UBR1: variants seen among roughly 807,000 people sequenced by gnomAD.
UBR1 encodes E3 ubiquitin-protein ligase UBR1.
UBR1 carries 102 observed loss-of-function variants against 242.1 expected under a neutral mutation model. The ratio of observed to expected loss-of-function variants is 0.42; its 90% CI spans 0.36 to 0.50. UBR1 has a LOEUF of 0.50. Among genes scored for constraint, UBR1 ranks in the 20% least tolerant of loss-of-function variants. The pLI, the probability that UBR1 is intolerant of heterozygous loss-of-function variation, is 0.01. For synonymous variants in UBR1, 675 were observed against 684.8 expected (o/e 0.99, Z 0.22); for missense variants, 1,772 against 2,101.8 (o/e 0.84, Z 3.07).
chr15:42,973,495 A>C (rs1315506845), intron 39 of UBR1, among the ~76,000 whole-genome samples: 7 of 152,010 alleles, frequency 4.6e-5, no homozygotes, highest in African/African-American at 1.2e-4. Context: ...GGTTTTCCTC[A>C]TGTTGGTCAG....
At chr15:42,981,742 A>T (rs2032382486) in intron 37 of UBR1, among the ~76,000 whole-genome samples, 1 of 152,124 alleles carries the variant, frequency 6.6e-6, no homozygotes, top group Non-Finnish European at 1.5e-5. Flanking sequence ...CGCCGCACCC[A>T]GCCACTTGTC....
chr15:43,096,341 T>C (rs1373559460), intron 1 of UBR1, among the ~76,000 whole-genome samples: 2 of 152,148 alleles, frequency 1.3e-5, no homozygotes, highest in African/African-American at 4.8e-5. Context: ...TTTGTATTTT[T>C]GGTAGAGATG....
chr15:43,083,480 A>G (rs1423380863), intron 2 of UBR1, among the ~76,000 whole-genome samples: 1 of 152,028 alleles, frequency 6.6e-6, no homozygotes, highest in Non-Finnish European at 1.5e-5. Context: ...TCCCAGGTTC[A>G]AGTGATTCTC....
At chr15:43,085,088 T>C (rs957914149) in intron 2 of UBR1, among the ~76,000 whole-genome samples, 1 of 152,248 alleles carries the variant, frequency 6.6e-6, no homozygotes, top group East Asian at 1.9e-4. Context: ...CAACTGTTTC[T>C]ACAGGTTCAA....
In UBR1 at chr15:42,950,166, A is replaced by G; in HGVS notation, c.5108+96T>C. The G allele has an allele frequency of 4.3e-6, 5 of 1,157,184 alleles. No homozygotes were observed. In the South Asian group the frequency reaches 5.0e-5, roughly 12 times the overall value. 71.7% of individuals were successfully genotyped at this position (1,157,184 alleles called of 1,614,324 possible). A position where few individuals can be genotyped will look rare whatever the true frequency, so the allele number is the denominator to read the frequency against. ...AATTACCTTTTGTGATTAAAGAACT[A>G]TTACCGTTTACATACAATAATGTGA... On this transcript the variant is annotated intron_variant, in intron 46 of 46. Coordinates refer to ENST00000290650, the MANE Select transcript of UBR1 (RefSeq NM_174916.3).
rs2141266911 is a variant in UBR1, at chr15:42,976,729, T to A, written c.4357A>T (p.Thr1453Ser). Reference protein sequence around the residue: ...TMAHMLQILLTVDTGLPLAQV... With the variant: ...TMAHMLQILLSVDTGLPLAQV... The stretch of plus-strand genomic sequence containing the variant: ...ATGAAAACCTTACCTGTGTCTACTG[T>A]AAGTAGTATCTGAAGCATGTGTGCC... Residue 1453 changes from threonine to serine, a missense_variant, in exon 39 of 47, where the codon ACA becomes TCA. Physicochemically the swap from Thr to Ser is moderately conservative, Grantham distance 58. Coordinates refer to ENST00000290650, the MANE Select transcript of UBR1 (RefSeq NM_174916.3). 6.2e-7 allele frequency: 1 copy of A among 1,614,060 alleles called. No homozygotes were observed. The highest frequency in any genetic ancestry group is 2.2e-5 in the East Asian group (1 of 44,852).
rs779410082 is a variant in UBR1, at chr15:43,030,071, A to G, written c.2255-3T>C. On this transcript the variant is annotated splice_polypyrimidine_tract_variant and splice_region_variant and intron_variant, in intron 20 of 46. Transcript: ENST00000290650. ...CACTCCAGGTACATAACGCTCACCT[A>G]GTTCAAATAATTAAAAACAAAAAAA... The G allele has an allele frequency of 1.2e-6, 2 of 1,613,438 alleles. No individual in the cohort carries two copies. Among genetic ancestry groups the G allele is most frequent in the Admixed American group, 3.3e-5 (2 of 60,004 alleles).
chr15:43,030,800 A>G (rs541157952), intron 20 of UBR1, among the ~76,000 whole-genome samples: 7 of 152,242 alleles, frequency 4.6e-5, no homozygotes, highest in Non-Finnish European at 8.8e-5. Flanking sequence ...ATGAAGTCCT[A>G]TGATATCTAT....
At chr15:43,068,184 A>ATT (rs545130203) in intron 5 of UBR1, 148 bp from the exon 6 acceptor site, 537 of 254,424 alleles carry the variant, frequency 2.1e-3, no homozygotes, top group Middle Eastern at 4.4e-3. Context: ...ATAGAATTTG[A>ATT]TTTTTTTTTT....
At chr15:43,007,862 C>A (rs1291100362) in intron 29 of UBR1, among the ~76,000 whole-genome samples, 4 of 152,134 alleles carry the variant, frequency 2.6e-5, no homozygotes, top group African/African-American at 9.7e-5. Context: ...TAGTTTTTAT[C>A]CATTCCCTGT....
At chr15:43,036,377 A>C in intron 18 of UBR1, 98 bp from the exon 19 acceptor site, 1 of 1,248,420 alleles carries the variant, frequency 8.0e-7, no homozygotes, top group South Asian at 1.2e-5. Flanking sequence ...TGCAGAAGAT[A>C]ATGTAGTAGT....
chr15:43,028,959 C>T (rs1003748314), intron 21 of UBR1, among the ~76,000 whole-genome samples: 1 of 151,856 alleles, frequency 6.6e-6, no homozygotes, highest in East Asian at 1.9e-4. Flanking sequence ...GTGGCGTGCA[C>T]CTGTAATCCC....
chr15:43,004,720 G>C (rs1043382753), intron 30 of UBR1, among the ~76,000 whole-genome samples: 5 of 152,032 alleles, frequency 3.3e-5, no homozygotes, highest in African/African-American at 9.7e-5. Context: ...GCGTGATCTC[G>C]GCTCGCTACA....
chr15:43,039,162 T>A (rs544890905), intron 15 of UBR1, among the ~76,000 whole-genome samples: 2 of 152,192 alleles, frequency 1.3e-5, no homozygotes, highest in Admixed American at 6.5e-5. Flanking sequence ...ATGACATCAA[T>A]TATGCCATAT....
intron 4 of UBR1, 110 bp downstream of exon 4, chr15:43,074,869 G>T: frequency 2.2e-6 from 2 of 916,980 alleles, no homozygotes; most frequent in South Asian, 1.4e-5. Flanking sequence ...CTAAATATGA[G>T]AATAAAAACA....
chr15:42,976,961 CAG>C, intron 38 of UBR1, 94 bp from the exon 39 acceptor site: 9 of 1,363,740 alleles, frequency 6.6e-6, no homozygotes, highest in Non-Finnish European at 9.2e-6. Context: ...AGATGCTACA[CAG>C]TGTTTGTGTG....
chr15:43,035,926 T>C (rs2033327848), intron 19 of UBR1, among the ~76,000 whole-genome samples: 1 of 101,554 alleles, frequency 9.8e-6, no homozygotes, highest in Non-Finnish European at 1.9e-5. Flanking sequence ...CTGGAGACTG[T>C]GGTGGGGTGG....
chr15:43,017,416 G>A (rs912476787), intron 27 of UBR1, among the ~76,000 whole-genome samples: 36 of 152,306 alleles, frequency 2.4e-4, no homozygotes, highest in African/African-American at 7.9e-4. Context: ...TCAGTAGGCT[G>A]GGGGCATGCC....
intron 19 of UBR1, among the ~76,000 whole-genome samples, chr15:43,033,807 AAAC>A (rs2033290468): frequency 6.6e-6 from 1 of 152,214 alleles, no homozygotes; most frequent in Admixed American, 6.5e-5. Flanking sequence ...TCAAATATTC[AAAC>A]AATAAAGACG....
Sources: gnomAD v4.1 joint callset for allele counts (sites outside exome capture counted in the v4.1 genomes callset) on GRCh38, gnomAD v4.1.1 for gene constraint, MANE v1.5 for transcripts, NCBI Gene and HGNC (gene_info 2026-07-23, HGNC 2026-07-21) for gene names.